Variants in GPM6A observed in about 807,000 individuals in gnomAD.
GPM6A encodes the protein neuronal membrane glycoprotein M6-a.
Under a neutral mutation model 32.1 loss-of-function variants are expected in GPM6A, and 7 were observed. The observed-to-expected ratio is 0.22, with a 90% CI of 0.12 to 0.41. The LOEUF (loss-of-function observed/expected upper bound fraction) is 0.41. Among genes scored for constraint, GPM6A ranks in the 10% least tolerant of loss-of-function variants. The pLI is 1.00. For missense variants in GPM6A, 235 were observed against 347.2 expected, an observed-to-expected ratio of 0.68 and a Z score of 2.57; for synonymous variants, 130 against 123.4, an observed-to-expected ratio of 1.05 and a Z score of -0.35.
rs141882583 is a variant in GPM6A at position 175,640,688 on chromosome 4, T to C, written c.618+65A>G. 8.3e-4 allele frequency: 895 copies of C among 1,073,344 alleles called. 10 individuals are homozygous for C. In the East Asian group the frequency reaches 0.02, roughly 25 times the overall value. The allele number at this position is 1,073,344 out of a possible 1,614,324, so 66.5% of individuals were successfully genotyped here. A position where few individuals can be genotyped will look rare whatever the true frequency, so the allele number is the denominator to read the frequency against. On this transcript the variant is annotated intron_variant, in intron 5 of 6. Transcript: ENST00000393658. ...TCAATATAGATTTAGTTTTAATACATTATCCAAATAATAAAAAATGAATGC... is the reference window on the plus strand; with the variant it reads ...TCAATATAGATTTAGTTTTAATACACTATCCAAATAATAAAAAATGAATGC...
chr4:175,872,598 A>G (rs1353724636), intron 1 of GPM6A: 2 of 152,224 alleles, frequency 1.3e-5, no homozygotes, highest in African/African-American at 2.4e-5. Context: ...TCCTTTGATC[A>G]TAGTGAATAT....
At chr4:175,967,726 A>T (rs537208672) in intron 1 of GPM6A, among the ~76,000 whole-genome samples, 50 of 152,316 alleles carry the variant, frequency 3.3e-4, no homozygotes, top group African/African-American at 1.2e-3. Context: ...ATACACAAGA[A>T]CTATATGAAA....
intron 1 of GPM6A, among the ~76,000 whole-genome samples, chr4:175,975,011 C>G (rs6834905): frequency 0.035 from 5,368 of 152,158 alleles, 205 homozygotes; most frequent in African/African-American, 0.1. Context: ...GAACTACTTT[C>G]AATTCCCTCA....
At chr4:175,812,117 G>T in intron 1 of GPM6A, 74 bp downstream of exon 1, 1 of 1,105,072 alleles carries the variant, frequency 9.0e-7, no homozygotes, top group Non-Finnish European at 1.3e-6. Flanking sequence ...TAGCCTTACT[G>T]GCAAGTGTCT....
chr4:175,883,629 T>C (rs1190279093), intron 1 of GPM6A, among the ~76,000 whole-genome samples: 2 of 152,156 alleles, frequency 1.3e-5, no homozygotes, highest in African/African-American at 4.8e-5. Context: ...AATAACTGAA[T>C]TGAATATCAA....
intron 1 of GPM6A, among the ~76,000 whole-genome samples, chr4:175,970,254 C>G (rs938425816): frequency 6.6e-6 from 1 of 152,188 alleles, no homozygotes. Context: ...CAGACTTGTG[C>G]TTTGTAACAG....
chr4:175,843,574 T>C (rs1357072955), intron 1 of GPM6A, among the ~76,000 whole-genome samples: 1 of 152,174 alleles, frequency 6.6e-6, no homozygotes, highest in Non-Finnish European at 1.5e-5. Context: ...CTGAAGGAGT[T>C]TGGGACCCAG....
In GPM6A at chr4:175,698,812, A is replaced by C. The variant is rs186570555; in HGVS notation, c.230+2763T>G. 1.4e-3 allele frequency among the ~76,000 whole-genome samples: 208 copies of C among 152,310 alleles called. 2 individuals are homozygous for C. Among genetic ancestry groups the C allele is most frequent in the African/African-American group, 4.7e-3 (194 of 41,572 alleles). Reference sequence around the variant, plus strand: ...TTATTGGTTTCACATTTAATACATAATATAACAGAGCAAAGGTAAAACTAC... The same window carrying C: ...TTATTGGTTTCACATTTAATACATACTATAACAGAGCAAAGGTAAAACTAC... On this transcript the variant is annotated intron_variant, in intron 2 of 6. Transcript: ENST00000393658.
intron 1 of GPM6A, among the ~76,000 whole-genome samples, chr4:175,728,950 A>G (rs886105095): frequency 6.9e-6 from 1 of 144,040 alleles, no homozygotes; most frequent in African/African-American, 2.6e-5. Flanking sequence ...TTGGGGTGAC[A>G]GAACTCTTAA....
intron 1 of GPM6A, among the ~76,000 whole-genome samples, chr4:175,998,033 A>G (rs773356138): frequency 1.3e-4 from 20 of 152,116 alleles, no homozygotes; most frequent in Non-Finnish European, 2.4e-4. Flanking sequence ...TCCTCTCACT[A>G]AAGGTTGGTA....
intron 1 of GPM6A, among the ~76,000 whole-genome samples, chr4:175,869,123 C>T (rs1560972146): frequency 2.0e-5 from 3 of 152,164 alleles, no homozygotes; most frequent in African/African-American, 7.2e-5. Flanking sequence ...CAAACAATTA[C>T]ATTTCACAGA....
chr4:175,787,663 A>C, intron 1 of GPM6A: 2 of 1,141,386 alleles, frequency 1.8e-6, no homozygotes, highest in Non-Finnish European at 2.2e-6. Context: ...TAGTCAGACA[A>C]ATTTAATATA....
chr4:175,881,700 T>C (rs1413463763), intron 1 of GPM6A, among the ~76,000 whole-genome samples: 1 of 152,146 alleles, frequency 6.6e-6, no homozygotes. Flanking sequence ...TTTAGGGACA[T>C]GGATGAAGCT....
At chr4:175,721,425 G>T (rs1178000403) in intron 1 of GPM6A, among the ~76,000 whole-genome samples, 2 of 151,192 alleles carry the variant, frequency 1.3e-5, no homozygotes, top group African/African-American at 4.9e-5. Flanking sequence ...GCAGTGAGTC[G>T]AGATCACACC....
intron 1 of GPM6A, among the ~76,000 whole-genome samples, chr4:175,780,977 G>A (rs756364080): frequency 6.6e-6 from 1 of 152,010 alleles, no homozygotes; most frequent in Non-Finnish European, 1.5e-5. Flanking sequence ...AGGAATTTAG[G>A]AGCCTTAGAA....
intron 1 of GPM6A, among the ~76,000 whole-genome samples, chr4:175,978,365 A>C (rs1191427457): frequency 6.6e-6 from 1 of 152,204 alleles, no homozygotes; most frequent in Non-Finnish European, 1.5e-5. Context: ...CAATTGCCTG[A>C]TCAAACACCT....
At chr4:175,635,438 G>A (rs1024281004) in intron 6 of GPM6A, among the ~76,000 whole-genome samples, 7 of 151,872 alleles carry the variant, frequency 4.6e-5, no homozygotes, top group African/African-American at 1.2e-4. Flanking sequence ...TTCACATACC[G>A]TTGTGTCTAA....
chr4:175,757,537 A>C (rs1732575356), intron 1 of GPM6A, among the ~76,000 whole-genome samples: 1 of 152,176 alleles, frequency 6.6e-6, no homozygotes, highest in South Asian at 2.1e-4. Flanking sequence ...AGTTACTCAA[A>C]TGGGGAATAT....
chr4:175,789,517 A>G (rs1319818443), intron 1 of GPM6A, among the ~76,000 whole-genome samples: 3 of 152,184 alleles, frequency 2.0e-5, no homozygotes, highest in African/African-American at 7.2e-5. Context: ...TACTTCCTAG[A>G]AAGTCAATTC....
Sources: allele counts gnomAD v4.1 joint callset (sites outside exome capture counted in the v4.1 genomes callset), GRCh38; gene constraint gnomAD v4.1.1; transcripts MANE v1.5; gene names NCBI Gene and HGNC (gene_info 2026-07-23, HGNC 2026-07-21).